Variants in MYO18B observed in about 807,000 individuals in gnomAD.
MYO18B encodes the protein unconventional myosin-XVIIIb.
In MYO18B, 204 loss-of-function variants were observed where a neutral mutation model predicts 273.0. The ratio of observed to expected loss-of-function variants is 0.75; its 90% CI spans 0.67 to 0.84. The LOEUF is 0.84. MYO18B is among the 40% of genes least tolerant of loss of function. The pLI is 0.00. For synonymous variants in MYO18B, 1,330 were observed against 1,305.7 expected (o/e 1.02, Z -0.40); for missense variants, 3,212 against 3,287.6 (o/e 0.98, Z 0.56).
intron 34 of MYO18B, among the ~76,000 whole-genome samples, chr22:25,938,621 A>T (rs983406338): frequency 3.2e-4 from 48 of 152,342 alleles, no homozygotes; most frequent in African/African-American, 1.0e-3. Flanking sequence ...GCAGTGCGTA[A>T]TGTAGTGAGT....
intron 42 of MYO18B, among the ~76,000 whole-genome samples, chr22:26,023,947 A>G (rs1936043742): frequency 6.6e-6 from 1 of 152,234 alleles, no homozygotes; most frequent in Non-Finnish European, 1.5e-5. Flanking sequence ...CTCCTCTTCC[A>G]GCCCATGTCC....
chr22:25,972,958 GA>G (rs66647025), intron 39 of MYO18B, among the ~76,000 whole-genome samples: 14,824 of 80,650 alleles, frequency 0.18, 758 homozygotes, highest in Middle Eastern at 0.31. Context: ...TGTCTCAAAG[GA>G]AAAAAAAAAA....
Position 25,997,304 on chromosome 22 carries a change from CCAAAAAA to C in MYO18B, c.6287+4812_6287+4818del, listed in dbSNP as rs1158547112. 9.4e-3 allele frequency among the ~76,000 whole-genome samples: 211 copies of C among 22,564 alleles called. 1 individual carries two copies. The highest frequency in any genetic ancestry group is 0.071 in the Middle Eastern group (1 of 14). The allele number at this position is 22,564 out of a possible 152,430, so 14.8% of individuals were successfully genotyped here. ...TGGGCAACAGAGTGAAACTCTGTCG[CCAAAAAA>C]AAAAAAAAAAAAAAAAAAACGAAGG... On this transcript the variant is annotated intron_variant, in intron 40 of 43. Coordinates refer to ENST00000335473, the MANE Select transcript of MYO18B (RefSeq NM_032608.7).
chr22:25,775,568 C>T (rs992304981), intron 7 of MYO18B, among the ~76,000 whole-genome samples: 2 of 152,144 alleles, frequency 1.3e-5, no homozygotes, highest in Non-Finnish European at 2.9e-5. Flanking sequence ...CCCTCGCTGC[C>T]AAATCCAATG....
intron 22 of MYO18B, among the ~76,000 whole-genome samples, chr22:25,871,367 CAGTG>C (rs1054356404): frequency 4.6e-5 from 7 of 152,156 alleles, no homozygotes; most frequent in Non-Finnish European, 1.0e-4. Context: ...ATACATTTGT[CAGTG>C]AGGCAAGAGG....
At chr22:26,037,000 A>G in the MYO18B span, among the ~76,000 whole-genome samples, 2 of 152,210 alleles carry the variant, frequency 1.3e-5, no homozygotes, top group East Asian at 1.9e-4. Context: ...TCTGGGCTCT[A>G]TCTCCAAATA....
intron 16 of MYO18B, among the ~76,000 whole-genome samples, chr22:25,833,756 T>C (rs1569085540): frequency 1.3e-5 from 2 of 152,240 alleles, no homozygotes; most frequent in Non-Finnish European, 2.9e-5. Context: ...CAATGAGATA[T>C]TGCACATAAG....
rs533808836 is a variant in MYO18B, at chr22:25,786,981, A to G, written c.2376+1490A>G. ...GTAATCCCAGCACTTTGGGAGGCCG[A>G]GGTGGGCAGATCACCTGAGGTGAGG... On this transcript the variant is annotated intron_variant, in intron 11 of 43. Coordinates refer to ENST00000335473, the MANE Select transcript of MYO18B (RefSeq NM_032608.7). Among the ~76,000 whole-genome samples the G allele has an allele frequency of 3.3e-5, 5 of 152,298 alleles. No homozygotes were observed. In the South Asian group the frequency reaches 8.3e-4, roughly 25 times the overall value.
intron 34 of MYO18B, among the ~76,000 whole-genome samples, chr22:25,937,012 T>C (rs192348113): frequency 5.3e-5 from 8 of 152,256 alleles, no homozygotes; most frequent in Admixed American, 2.6e-4. Flanking sequence ...TACTAAGTAG[T>C]TGTGATTATC....
intron 40 of MYO18B, among the ~76,000 whole-genome samples, chr22:25,995,968 C>T (rs1380501721): frequency 3.9e-5 from 6 of 152,122 alleles, no homozygotes; most frequent in South Asian, 2.1e-4. Flanking sequence ...AGGTGTGACA[C>T]GACTACAGAA....
chr22:26,032,259 G>T (rs1936684075), downstream of MYO18B, among the ~76,000 whole-genome samples: 1 of 152,156 alleles, frequency 6.6e-6, no homozygotes, highest in Non-Finnish European at 1.5e-5. Context: ...CCACCGCCTG[G>T]GTGGCCTAAA....
chr22:25,932,097 A>T (rs2146508343), intron 34 of MYO18B, among the ~76,000 whole-genome samples: 1 of 152,250 alleles, frequency 6.6e-6, no homozygotes, highest in South Asian at 2.1e-4. Context: ...AGTCACAGAG[A>T]TGGATGGAAC....
intron 11 of MYO18B, among the ~76,000 whole-genome samples, chr22:25,790,358 G>A (rs1031881775): frequency 6.6e-6 from 1 of 152,158 alleles, no homozygotes; most frequent in Admixed American, 6.5e-5. Flanking sequence ...AAACCTTTTT[G>A]TGGTTCTTAG....
chr22:25,771,921 A>G (rs547478027), intron 6 of MYO18B, among the ~76,000 whole-genome samples: 1 of 152,366 alleles, frequency 6.6e-6, no homozygotes, highest in African/African-American at 2.4e-5. Context: ...CCTGGGTATC[A>G]TGGAGCATAT....
intron 1 of MYO18B, among the ~76,000 whole-genome samples, chr22:25,760,488 C>T (rs2086276754): frequency 1.3e-5 from 2 of 149,068 alleles, no homozygotes; most frequent in African/African-American, 5.0e-5. Flanking sequence ...CAGAAGGGAG[C>T]ATGAGGGAAG....
At chr22:25,952,469 G>A in intron 38 of MYO18B, 46 bp downstream of exon 38, 5 of 1,606,472 alleles carry the variant, frequency 3.1e-6, no homozygotes, top group Non-Finnish European at 4.3e-6. Flanking sequence ...AGCAGGGAGA[G>A]CTTTTGTGTA....
chr22:25,768,357 C>T lies in MYO18B; in HGVS notation c.441C>T (p.Gly147=), dbSNP rs569577077. Reference sequence around the variant, plus strand: ...AAAAGACTGTCCCCTTCAAGAGGGGCGTGAGGAGGGGTGATGTGTTGTTGA... The same window carrying T: ...AAAAGACTGTCCCCTTCAAGAGGGGTGTGAGGAGGGGTGATGTGTTGTTGA... ...PTKKTVPFKR[G]VRRGDVLLMV... is the part of the protein sequence containing the mutation. The change falls in exon 4 of 44, where the codon GGC becomes GGT. Residue 147 remains glycine, a synonymous_variant. Transcript: ENST00000335473. 3.5e-5 allele frequency: 57 copies of T among 1,613,656 alleles called. No homozygotes were observed. Among genetic ancestry groups the T allele is most frequent in the South Asian group, 1.2e-4 (11 of 90,996 alleles).
intron 11 of MYO18B, among the ~76,000 whole-genome samples, chr22:25,790,343 G>C (rs2087607454): frequency 6.6e-6 from 1 of 152,170 alleles, no homozygotes; most frequent in African/African-American, 2.4e-5. Context: ...CATTTACATG[G>C]TTTTAAACCT....
At chr22:25,843,133 A>G (rs747544673) in intron 17 of MYO18B, among the ~76,000 whole-genome samples, 2 of 152,188 alleles carry the variant, frequency 1.3e-5, no homozygotes, top group African/African-American at 2.4e-5. Context: ...ACAGTAATAA[A>G]TGGTAAAGAA....
Sources: gnomAD v4.1 joint callset for allele counts (sites outside exome capture counted in the v4.1 genomes callset) on GRCh38, gnomAD v4.1.1 for gene constraint, MANE v1.5 for transcripts, NCBI Gene and HGNC (gene_info 2026-07-23, HGNC 2026-07-21) for gene names.